The following ATP9B variants were observed in gnomAD, a reference collection of about 807,000 sequenced individuals.
ATP9B encodes ATPase phospholipid transporting 9B.
ATP9B carries 110 observed loss-of-function variants against 146.1 expected under a neutral mutation model. The ratio of observed to expected loss-of-function variants is 0.75; its 90% confidence interval spans 0.65 to 0.88. The LOEUF (loss-of-function observed/expected upper bound fraction) is 0.88. Ranked by LOEUF, ATP9B falls within the 40% of genes least tolerant of loss-of-function variation. ATP9B has a pLI of 0.00. For missense variants in ATP9B, 1,499 were observed against 1,496.4 expected (o/e 1.00, Z -0.03); for synonymous variants, 604 against 569.7 (o/e 1.06, Z -0.86).
At chr18:79,236,079 T>G (rs1018339408) in intron 11 of ATP9B, among the ~76,000 whole-genome samples, 6 of 152,198 alleles carry the variant, frequency 3.9e-5, no homozygotes, top group Non-Finnish European at 5.9e-5. Flanking sequence ...CTTCTAAAAT[T>G]GTTGTACTGG....
At chr18:79,184,917 AT>A (rs2095290838) in intron 8 of ATP9B, among the ~76,000 whole-genome samples, 1 of 152,078 alleles carries the variant, frequency 6.6e-6, no homozygotes, top group African/African-American at 2.4e-5. Context: ...AACAGATTTA[AT>A]TTTGCTAAGT....
chr18:79,264,664 T>A (rs949847174), intron 12 of ATP9B, among the ~76,000 whole-genome samples: 1 of 97,980 alleles, frequency 1.0e-5, no homozygotes, highest in African/African-American at 5.6e-5. Flanking sequence ...CCACTGTAAG[T>A]GTTTTTTGTT....
intron 8 of ATP9B, among the ~76,000 whole-genome samples, chr18:79,181,563 A>G (rs1236545399): frequency 2.0e-5 from 3 of 152,172 alleles, no homozygotes; most frequent in African/African-American, 4.8e-5. Flanking sequence ...AGATTCCCAC[A>G]TGCCATTGAT....
At chr18:79,225,640 G>C (rs750561271) in intron 11 of ATP9B, among the ~76,000 whole-genome samples, 5 of 149,486 alleles carry the variant, frequency 3.3e-5, no homozygotes, top group Admixed American at 3.3e-4. Context: ...TGACTGTTGG[G>C]TCCCGCAGTC....
At chr18:79,190,895 G>GT (rs1327151831) in intron 8 of ATP9B, among the ~76,000 whole-genome samples, 3 of 151,240 alleles carry the variant, frequency 2.0e-5, no homozygotes, top group Middle Eastern at 3.2e-3. Flanking sequence ...GGATTTGGGG[G>GT]TTTTTTTTAA....
At chr18:79,332,765 C>T (rs2147172297) in intron 17 of ATP9B, 2 of 152,350 alleles carry the variant, frequency 1.3e-5, no homozygotes, top group Middle Eastern at 6.8e-3. Flanking sequence ...GAATGACAGC[C>T]TTGCCTTTGT....
chr18:79,359,370 A>C lies in ATP9B; in HGVS notation c.2920A>C (p.Thr974Pro), dbSNP rs1404613795. The C allele has an allele frequency of 6.2e-7, 1 of 1,613,690 alleles. No individual in the cohort carries two copies. Among genetic ancestry groups the C allele is most frequent in the Non-Finnish European group, 8.5e-7 (1 of 1,179,688 alleles). Reference sequence around the variant, plus strand: ...GTCTTGCAGGTATGCCACCATATACACCATGTTCCCAGTGTTCTCCTTAGT... The same window carrying C: ...GTCTTGCAGGTATGCCACCATATACCCCATGTTCCCAGTGTTCTCCTTAGT... ...FLMVGYATIY[T>P]MFPVFSLVLD... Residue 974 changes from threonine to proline, a missense_variant, in exon 26 of 30, where the codon ACC (threonine) becomes CCC (proline). Thr to Pro is a conservative substitution (Grantham distance 38). Coordinates refer to ENST00000426216, the MANE Select transcript of ATP9B (RefSeq NM_198531.5).
chr18:79,377,498 A>C lies in ATP9B; in HGVS notation c.*115A>C, dbSNP rs1184663392. ...TGCTACCAAGCAAGCACCACAAGAA[A>C]GGGAGGGTACGCCAGGCGAGCCCAG... On this transcript the variant is annotated 3_prime_UTR_variant, in exon 30 of 30. Coordinates refer to ENST00000426216, the MANE Select transcript of ATP9B (RefSeq NM_198531.5). 7.3e-6 allele frequency: 10 copies of C among 1,378,720 alleles called. No homozygotes were observed. Among genetic ancestry groups the C allele is most frequent in the Non-Finnish European group, 9.8e-6 (10 of 1,018,018 alleles). 85.4% of individuals were successfully genotyped at this position (1,378,720 alleles called of 1,614,324 possible). A position where few individuals can be genotyped will look rare whatever the true frequency, so the allele number is the denominator to read the frequency against.
chr18:79,350,047 A>G (rs1032209427), intron 25 of ATP9B, among the ~76,000 whole-genome samples: 6 of 152,178 alleles, frequency 3.9e-5, no homozygotes, highest in Admixed American at 3.9e-4. Flanking sequence ...ACTTCAGTGC[A>G]TGCGAATTTC....
At chr18:79,171,584 A>G (rs1255599852) in intron 7 of ATP9B, among the ~76,000 whole-genome samples, 2 of 151,970 alleles carry the variant, frequency 1.3e-5, no homozygotes, top group African/African-American at 2.4e-5. Flanking sequence ...GTGGTTGACA[A>G]CTTACCTGTA....
chr18:79,156,716 T>G (rs769942295), intron 7 of ATP9B, among the ~76,000 whole-genome samples: 18 of 152,256 alleles, frequency 1.2e-4, no homozygotes, highest in Admixed American at 2.0e-4. Context: ...GCTTATATTT[T>G]GAAGCCATCA....
At chr18:79,149,688 T>TA (rs1411024554) in intron 6 of ATP9B, among the ~76,000 whole-genome samples, 23 of 149,852 alleles carry the variant, frequency 1.5e-4, no homozygotes, top group African/African-American at 5.2e-4. Context: ...CTAGAATATA[T>TA]AAAAACTCCT....
chr18:79,223,937 T>C (rs1313588542), intron 11 of ATP9B, among the ~76,000 whole-genome samples: 1 of 152,200 alleles, frequency 6.6e-6, no homozygotes, highest in African/African-American at 2.4e-5. Flanking sequence ...AATATGAATT[T>C]AATTAGAAAA....
At chr18:79,097,277 A>C (rs1362817204) in intron 2 of ATP9B, among the ~76,000 whole-genome samples, 1 of 148,798 alleles carries the variant, frequency 6.7e-6, no homozygotes, top group Non-Finnish European at 1.5e-5. Flanking sequence ...CAAAAGATAG[A>C]TATGGGCCTA....
intron 13 of ATP9B, among the ~76,000 whole-genome samples, chr18:79,296,381 TA>T (rs1193244863): frequency 2.0e-5 from 3 of 152,240 alleles, no homozygotes; most frequent in African/African-American, 7.2e-5. Context: ...TCAATTACTG[TA>T]AATTGTGTGG....
At chr18:79,156,970 A>G (rs1014896591) in intron 7 of ATP9B, among the ~76,000 whole-genome samples, 11 of 152,178 alleles carry the variant, frequency 7.2e-5, no homozygotes, top group Admixed American at 7.2e-4. Flanking sequence ...CAGAGGCCAG[A>G]ATACATAACC....
chr18:79,137,138 T>C (rs908697584), intron 5 of ATP9B, among the ~76,000 whole-genome samples: 2 of 152,188 alleles, frequency 1.3e-5, no homozygotes, highest in African/African-American at 4.8e-5. Context: ...TTTTTGTGTC[T>C]GGAAGTTTGA....
At chr18:79,270,511 T>A (rs548483918) in intron 12 of ATP9B, among the ~76,000 whole-genome samples, 1 of 116,846 alleles carries the variant, frequency 8.6e-6, no homozygotes. Context: ...GTGACTCCTC[T>A]TAAATATGAG....
At chr18:79,226,951 A>G (rs946206712) in intron 11 of ATP9B, among the ~76,000 whole-genome samples, 33 of 151,164 alleles carry the variant, frequency 2.2e-4, no homozygotes, top group African/African-American at 7.3e-4. Flanking sequence ...CTGAACACCC[A>G]CTGTGTGTTG....
Sources: allele counts gnomAD v4.1 joint callset (sites outside exome capture counted in the v4.1 genomes callset), GRCh38; gene constraint gnomAD v4.1.1; transcripts MANE v1.5; gene names NCBI Gene and HGNC (gene_info 2026-07-23, HGNC 2026-07-21).